Variants in GRIK3 observed in about 807,000 individuals in gnomAD.
GRIK3 encodes the protein glutamate receptor ionotropic, kainate 3.
A neutral mutation model predicts 102.5 loss-of-function variants in GRIK3; 29 were observed. The observed-to-expected ratio is 0.28, with a 90% CI of 0.21 to 0.39. The LOEUF (loss-of-function observed/expected upper bound fraction) is 0.39, where lower values mean the gene tolerates loss of function less well. GRIK3 is among the 10% of genes least tolerant of loss of function. GRIK3 has a pLI of 1.00. For missense variants in GRIK3, 908 were observed against 1,252.4 expected (o/e 0.73, Z 4.15); for synonymous variants, 511 against 504.9 (o/e 1.01, Z -0.16).
chr1:37,013,925 C>A (rs549234620), intron 1 of GRIK3, among the ~76,000 whole-genome samples: 1 of 152,340 alleles, frequency 6.6e-6, no homozygotes, highest in Admixed American at 6.5e-5. Context: ...TCATCGAATG[C>A]CTTGCCCCAG....
At chr1:36,974,819 A>C (rs2124361103) in intron 1 of GRIK3, among the ~76,000 whole-genome samples, 1 of 152,160 alleles carries the variant, frequency 6.6e-6, no homozygotes, top group African/African-American at 2.4e-5. Context: ...AAAACAAAAA[A>C]AAAGGAATGC....
chr1:36,824,863 A>G (rs1483125753), intron 11 of GRIK3, among the ~76,000 whole-genome samples: 2 of 152,166 alleles, frequency 1.3e-5, no homozygotes, highest in Non-Finnish European at 2.9e-5. Flanking sequence ...TATTGCTTGT[A>G]TGACCTTGGC....
In GRIK3 at chr1:36,989,907, C is replaced by T. The variant is rs192774076; in HGVS notation, c.115+44087G>A. 1.5e-4 allele frequency among the ~76,000 whole-genome samples: 23 copies of T among 152,322 alleles called. No homozygotes were observed. The East Asian group carries it at 4.2e-3, about 28-fold the overall frequency. On this transcript the variant is annotated intron_variant, in intron 1 of 15. Coordinates refer to ENST00000373091, the MANE Select transcript of GRIK3 (RefSeq NM_000831.4). ...GGCACCATGCTAAGCCCCTCCCAGA[C>T]ATTATTCCTTTTGAGGCTCATTAAA...
chr1:36,951,343 T>A (rs907149683), intron 1 of GRIK3, among the ~76,000 whole-genome samples: 1 of 152,214 alleles, frequency 6.6e-6, no homozygotes, highest in African/African-American at 2.4e-5. Flanking sequence ...CAGCAAATAC[T>A]TAGGGGTCCT....
chr1:36,826,930 C>A (rs1006073480), intron 10 of GRIK3, among the ~76,000 whole-genome samples: 2 of 152,164 alleles, frequency 1.3e-5, no homozygotes, highest in South Asian at 2.1e-4. Context: ...CATCCTCCCC[C>A]ATGAGGCCCC....
At position 37,007,464 on chromosome 1, in the gene GRIK3, C is replaced by A. The variant is rs777365915; in HGVS notation, c.115+26530G>T. Among the ~76,000 whole-genome samples the A allele has an allele frequency of 8.0e-4, 122 of 152,052 alleles. 1 individual carries two copies. Among genetic ancestry groups the A allele is most frequent in the Non-Finnish European group, 2.5e-4 (17 of 68,002 alleles). The stretch of plus-strand genomic sequence containing the variant: ...GAAAACCTGCTAGAGGAGGTGGGAT[C>A]CGATCTTGATGGGTGTTGGGAAGGG... On this transcript the variant is annotated intron_variant, in intron 1 of 15. Transcript: ENST00000373091.
At chr1:37,000,535 C>T (rs1016786345) in intron 1 of GRIK3, among the ~76,000 whole-genome samples, 3 of 152,156 alleles carry the variant, frequency 2.0e-5, no homozygotes, top group African/African-American at 7.2e-5. Flanking sequence ...TGCCCAAGGT[C>T]ACACAGCCAC....
intron 1 of GRIK3, among the ~76,000 whole-genome samples, chr1:36,976,642 T>G (rs943947914): frequency 6.6e-6 from 1 of 152,160 alleles, no homozygotes; most frequent in Non-Finnish European, 1.5e-5. Context: ...TCTCAAGGTA[T>G]GCTATTGGTT....
At chr1:37,004,706 A>G (rs973381798) in intron 1 of GRIK3, among the ~76,000 whole-genome samples, 2 of 152,230 alleles carry the variant, frequency 1.3e-5, no homozygotes, top group Admixed American at 1.3e-4. Context: ...AAGCTGTCCA[A>G]TGGAAGAGAT....
chr1:36,853,481 G>A, intron 8 of GRIK3, 134 bp downstream of exon 8: 1 of 639,820 alleles, frequency 1.6e-6, no homozygotes, highest in Non-Finnish European at 2.8e-6. Context: ...GGCTACACTG[G>A]ACCAAGTCAA....
intron 13 of GRIK3, among the ~76,000 whole-genome samples, chr1:36,807,077 AGTCAGG>A (rs1570735295): frequency 6.6e-6 from 1 of 152,176 alleles, no homozygotes; most frequent in East Asian, 1.9e-4. Context: ...AAGTAAGGGC[AGTCAGG>A]GTAGGTGGTC....
At chr1:36,999,058 C>T (rs1455907635) in intron 1 of GRIK3, among the ~76,000 whole-genome samples, 6 of 151,834 alleles carry the variant, frequency 4.0e-5, no homozygotes. Flanking sequence ...ATGGGCCCCC[C>T]AACCATGAAC....
At chr1:36,816,902 A>G (rs1333727655) in intron 13 of GRIK3, among the ~76,000 whole-genome samples, 158 bp downstream of exon 13, 1 of 152,172 alleles carries the variant, frequency 6.6e-6, no homozygotes. Context: ...ACAGCTCCCC[A>G]AAGTCAACTA....
rs552301370 is a variant in GRIK3, at chr1:36,797,581, G to A, written c.*4270C>T. ...GCCCACAGAGTTGGGCTCATTTCTT[G>A]TATCTGTCCATGAGGCTGGGCCCAT... On this transcript the variant is annotated 3_prime_UTR_variant, in exon 16 of 16. Transcript: ENST00000373091. 3.9e-4 allele frequency: 59 copies of A among 152,298 alleles called. No homozygotes were observed. The highest frequency in any genetic ancestry group is 1.4e-3 in the African/African-American group (58 of 41,558). 9.4% of individuals were successfully genotyped at this position (152,298 alleles called of 1,614,324 possible).
Position 37,033,980 on chromosome 1 carries a change from C to T in GRIK3, c.115+14G>A. ...CCGGGCGCACGGAGACCCCCGGCTC[C>T]AGGGAGCGCTTACCGATCCGGATGA... On this transcript the variant is annotated intron_variant, in intron 1 of 15. Transcript: ENST00000373091. The T allele has an allele frequency of 6.6e-7, 1 of 1,518,214 alleles. No homozygotes were observed. Among genetic ancestry groups the T allele is most frequent in the South Asian group, 1.2e-5 (1 of 85,054 alleles). The allele number at this position is 1,518,214 out of a possible 1,614,324, so 94.0% of individuals were successfully genotyped here.
intron 1 of GRIK3, among the ~76,000 whole-genome samples, chr1:36,951,316 A>T (rs1268455528): frequency 6.6e-6 from 1 of 152,246 alleles, no homozygotes; most frequent in Non-Finnish European, 1.5e-5. Context: ...ACGATCAAGG[A>T]CAATACCAGC....
At chr1:36,862,801 A>G (rs1049341138) in intron 5 of GRIK3, among the ~76,000 whole-genome samples, 6 of 152,198 alleles carry the variant, frequency 3.9e-5, no homozygotes, top group Non-Finnish European at 7.3e-5. Context: ...CAAGGAAAAT[A>G]AGTGAGTTTG....
intron 13 of GRIK3, among the ~76,000 whole-genome samples, chr1:36,812,870 C>G (rs532628833): frequency 6.6e-6 from 1 of 152,248 alleles, no homozygotes; most frequent in Non-Finnish European, 1.5e-5. Context: ...AGGCTGCCCA[C>G]TCAGTTCCTA....
In GRIK3 at chr1:36,819,998, T is replaced by C. The variant is rs1642679454; in HGVS notation, c.1755-144A>G. ...CTGCTGGGAGGCAGGGCAGGGGAAT[T>C]TCTTCTTGTTCTTTATTGTTAGTGC... On this transcript the variant is annotated intron_variant, in intron 11 of 15. Transcript: ENST00000373091. The surrounding 1 kb of genome is among the most constrained non-coding windows in gnomAD (Gnocchi z 4.1). 1 of 598,798 alleles carries C rather than the reference T, an allele frequency of 1.7e-6. No individual in the cohort carries two copies. Among genetic ancestry groups the C allele is most frequent in the South Asian group, 2.1e-5 (1 of 48,104 alleles). The allele number at this position is 598,798 out of a possible 1,614,324, so 37.1% of individuals were successfully genotyped here. A position where few individuals can be genotyped will look rare whatever the true frequency, so the allele number is the denominator to read the frequency against.
Sources: allele counts gnomAD v4.1 joint callset (sites outside exome capture counted in the v4.1 genomes callset), GRCh38; gene constraint gnomAD v4.1.1; non-coding constraint Gnocchi (gnomAD v3.1); transcripts MANE v1.5; gene names NCBI Gene and HGNC (gene_info 2026-07-23, HGNC 2026-07-21).